Variants in AOPEP observed in about 807,000 individuals in gnomAD.
The protein encoded by AOPEP is aminopeptidase O.
A neutral mutation model predicts 98.1 loss-of-function variants in AOPEP; 77 were observed. The observed-to-expected ratio is 0.78, with a 90% confidence interval of 0.65 to 0.95. The LOEUF is 0.95. AOPEP is among the 40% of genes least tolerant of loss of function. AOPEP has a pLI of 0.00. For synonymous variants in AOPEP, 346 were observed against 365.3 expected (o/e 0.95, Z 0.60); for missense variants, 1,024 against 1,024.7 (o/e 1.00, Z 0.01).
chr9:95,121,282 G>C, the AOPEP span, among the ~76,000 whole-genome samples: 1 of 152,122 alleles, frequency 6.6e-6, no homozygotes. Context: ...CCTACTGTCT[G>C]ATAGGGCATA....
intron 6 of AOPEP, among the ~76,000 whole-genome samples, chr9:94,925,748 G>C (rs1588916957): frequency 6.6e-6 from 1 of 152,170 alleles, no homozygotes; most frequent in East Asian, 1.9e-4. Context: ...TACAGAAAAG[G>C]CTCTGGGGTC....
At position 94,909,868 on chromosome 9, in the gene AOPEP, T is replaced by C. The variant is rs143129793; in HGVS notation, c.1365-14118T>C. Among the ~76,000 whole-genome samples, 268 of 152,178 alleles carry C rather than the reference T, an allele frequency of 1.8e-3. 1 individual carries two copies. The highest frequency in any genetic ancestry group is 5.8e-3 in the African/African-American group (242 of 41,516). On this transcript the variant is annotated intron_variant, in intron 5 of 16. Transcript: ENST00000375315. The stretch of plus-strand genomic sequence containing the variant: ...ATGGCACACAGCAGCTCCCACCCCA[T>C]GGATGAAGGCTGCAGCTCGCTGGGT...
chr9:94,910,522 G>A (rs189782018), intron 5 of AOPEP, among the ~76,000 whole-genome samples: 13 of 152,302 alleles, frequency 8.5e-5, no homozygotes, highest in African/African-American at 1.2e-4. Context: ...CTGTGGGCAC[G>A]CCTCTGCCTT....
At position 94,924,050 on chromosome 9, in the gene AOPEP, C is replaced by A. The variant is rs866873600; in HGVS notation, c.1429C>A (p.Leu477Ile). The A allele has an allele frequency of 6.6e-7, 1 of 1,525,146 alleles. No homozygotes were observed. The highest frequency in any genetic ancestry group is 1.4e-5 in the African/African-American group (1 of 72,110). The allele number at this position is 1,525,146 out of a possible 1,614,324, so 94.5% of individuals were successfully genotyped here. ...TGGNHLCGTR[L>I]CHEIAHAWFG... ...AGGGAACCATCTCTGTGGGACCCGC[C>A]TCTGCCATGAAATTGCCCATGCCTG... The change falls in exon 6 of 17, where the codon CTC (leucine) becomes ATC (isoleucine). Residue 477 changes from leucine to isoleucine, a missense_variant. Coordinates refer to ENST00000375315, the MANE Select transcript of AOPEP (RefSeq NM_001193329.3).
intron 11 of AOPEP, among the ~76,000 whole-genome samples, chr9:94,989,802 G>T (rs1055613752): frequency 1.3e-5 from 2 of 150,756 alleles, no homozygotes; most frequent in African/African-American, 4.9e-5. Context: ...ATAGCGACAG[G>T]GTTTCACCAT....
In AOPEP at chr9:94,956,664, G is replaced by A. The variant is rs146286928; in HGVS notation, c.1872+649G>A. Among the ~76,000 whole-genome samples, 11 of 152,328 alleles carry A rather than the reference G, an allele frequency of 7.2e-5. No homozygotes were observed. In the East Asian group the frequency reaches 1.9e-3, roughly 27 times the overall value. On this transcript the variant is annotated intron_variant, in intron 9 of 16. Coordinates refer to ENST00000375315, the MANE Select transcript of AOPEP (RefSeq NM_001193329.3). The stretch of plus-strand genomic sequence containing the variant: ...TATCAGAGAGAGACCCTGTCAGCTC[G>A]TATGGGCATGGGGCCAAGCAGCACA...
intron 5 of AOPEP, among the ~76,000 whole-genome samples, chr9:94,868,556 T>G (rs2045964105): frequency 6.6e-6 from 1 of 152,200 alleles, no homozygotes; most frequent in Non-Finnish European, 1.5e-5. Context: ...CATATTTTCA[T>G]TTTGCACCAA....
chr9:94,734,611 G>A (rs1404410289), intron 1 of AOPEP, among the ~76,000 whole-genome samples: 1 of 152,182 alleles, frequency 6.6e-6, no homozygotes, highest in Non-Finnish European at 1.5e-5. Flanking sequence ...AGTACTGGTT[G>A]GGAGGAGACC....
intron 1 of AOPEP, among the ~76,000 whole-genome samples, chr9:94,734,740 C>A (rs567807368): frequency 6.6e-6 from 1 of 152,292 alleles, no homozygotes; most frequent in African/African-American, 2.4e-5. Flanking sequence ...ACTGGCCCAG[C>A]CAATTCAACC....
At chr9:95,109,421 T>A in the AOPEP span, among the ~76,000 whole-genome samples, 4 of 152,246 alleles carry the variant, frequency 2.6e-5, no homozygotes, top group African/African-American at 9.6e-5. Context: ...AACCACAGGG[T>A]TAAAGGGTAT....
chr9:95,023,987 TA>T (rs1218610097), intron 13 of AOPEP, among the ~76,000 whole-genome samples: 1 of 152,214 alleles, frequency 6.6e-6, no homozygotes, highest in East Asian at 1.9e-4. Flanking sequence ...TTCAAGTAGT[TA>T]AAAGGGTCAT....
At chr9:94,797,766 C>T (rs934405195) in intron 4 of AOPEP, among the ~76,000 whole-genome samples, 43 of 146,232 alleles carry the variant, frequency 2.9e-4, no homozygotes, top group African/African-American at 1.0e-3. Flanking sequence ...TGCAGTGGTG[C>T]GATCTTAGCT....
rs1588059534 is a variant in AOPEP, at chr9:94,755,049, A to T, written c.-135-4600A>T. 1.3e-5 allele frequency among the ~76,000 whole-genome samples: 2 copies of T among 152,336 alleles called. 1 individual carries two copies. The highest frequency in any genetic ancestry group is 4.1e-4 in the South Asian group (2 of 4,828). ...AATGGTGCTGCTGAGACAATCATTT[A>T]AGCATTTAAAATACATACCACATAG... On this transcript the variant is annotated intron_variant, in intron 1 of 16. Transcript: ENST00000375315.
At chr9:95,002,285 C>A (rs2061610742) in intron 11 of AOPEP, among the ~76,000 whole-genome samples, 1 of 152,002 alleles carries the variant, frequency 6.6e-6, no homozygotes, top group South Asian at 2.1e-4. Flanking sequence ...CACTATATAA[C>A]ATATTTATTG....
At chr9:94,793,706 A>T (rs1047760212) in intron 4 of AOPEP, among the ~76,000 whole-genome samples, 1 of 151,484 alleles carries the variant, frequency 6.6e-6, no homozygotes, top group East Asian at 1.9e-4. Context: ...AAAGAAAGGA[A>T]AGCGAGTTGA....
At chr9:94,875,774 A>T (rs1441849652) in intron 5 of AOPEP, among the ~76,000 whole-genome samples, 2 of 152,232 alleles carry the variant, frequency 1.3e-5, no homozygotes, top group African/African-American at 2.4e-5. Flanking sequence ...TTGAGAGATT[A>T]ACCTAAATTC....
At chr9:95,131,613 C>T in the AOPEP span, among the ~76,000 whole-genome samples, 3 of 152,204 alleles carry the variant, frequency 2.0e-5, no homozygotes, top group African/African-American at 7.2e-5. Context: ...CATCAGCCAG[C>T]ACTACTGGAC....
chr9:94,799,275 C>T (rs963106767), intron 4 of AOPEP, among the ~76,000 whole-genome samples: 2 of 152,168 alleles, frequency 1.3e-5, no homozygotes, highest in African/African-American at 4.8e-5. Context: ...TTATAATTGG[C>T]TGGGTGCAGT....
intron 13 of AOPEP, among the ~76,000 whole-genome samples, chr9:95,013,787 A>T (rs2062760598): frequency 6.6e-6 from 1 of 152,124 alleles, no homozygotes; most frequent in South Asian, 2.1e-4. Context: ...TTTTAATTTA[A>T]TTATCTAAAG....
Sources: allele counts gnomAD v4.1 joint callset (sites outside exome capture counted in the v4.1 genomes callset), GRCh38; gene constraint gnomAD v4.1.1; transcripts MANE v1.5; gene names NCBI Gene and HGNC (gene_info 2026-07-23, HGNC 2026-07-21).